Variants in CRB3 observed in about 807,000 individuals in gnomAD.
CRB3 encodes protein crumbs homolog 3.
A neutral mutation model predicts 10.4 loss-of-function variants in CRB3; 4 were observed. That is an observed-to-expected ratio of 0.39 (90% confidence interval 0.19 to 0.88). CRB3 has a LOEUF of 0.88. Ranked by LOEUF, CRB3 falls within the 40% of genes least tolerant of loss-of-function variation. The pLI, the probability that CRB3 is intolerant of heterozygous loss-of-function variation, is 0.39. For missense variants in CRB3, 154 were observed against 160.2 expected (o/e 0.96, Z 0.21); for synonymous variants, 74 against 73.4 (o/e 1.01, Z -0.04).
rs541922335 is a variant in CRB3, at chr19:6,466,357, ATG to A, written c.157-95_157-94del. ...ATCACCAAAAGTGGCAGATGTGTGT[ATG>A]TGTGTGTGTGTGTTGTGGGGTAGGG... On this transcript the variant is annotated intron_variant, in intron 3 of 3. Coordinates refer to ENST00000600229, the MANE Select transcript of CRB3 (RefSeq NM_139161.5). The surrounding 1 kb of genome is among the most constrained non-coding windows in gnomAD (Gnocchi z 4.9). 4,250 of 733,252 alleles carry A rather than the reference ATG, an allele frequency of 5.8e-3. No individual in the cohort carries two copies. The highest frequency in any genetic ancestry group is 6.8e-3 in the Non-Finnish European group (3,067 of 451,100). 45.4% of individuals were successfully genotyped at this position (733,252 alleles called of 1,614,324 possible). A position where few individuals can be genotyped will look rare whatever the true frequency, so the allele number is the denominator to read the frequency against.
intron 2 of CRB3, chr19:6,465,268 A>G: frequency 2.2e-6 from 1 of 450,366 alleles, no homozygotes. Context: ...CAGATCCTTA[A>G]GGGCCCAGGG....
At chr19:6,465,398 C>A in intron 2 of CRB3, 147 bp from the exon 3 acceptor site, 1 of 743,180 alleles carries the variant, frequency 1.3e-6, no homozygotes, top group Admixed American at 1.8e-5. Flanking sequence ...TGCAAGACAC[C>A]CAACCATCTC....
chr19:6,464,823 A>G lies in CRB3; in HGVS notation c.82+40A>G. On this transcript the variant is annotated intron_variant, in intron 2 of 3. Transcript: ENST00000600229. The surrounding 1 kb of genome is among the most constrained non-coding windows in gnomAD (Gnocchi z 5.3). ...AGAGCGCTGGGGGGGAGGGGTCTGGATTCCTGGATCTCTGCTGGGGACGTG... is the reference window on the plus strand; with the variant it reads ...AGAGCGCTGGGGGGGAGGGGTCTGGGTTCCTGGATCTCTGCTGGGGACGTG... 1 of 1,165,086 alleles carries G rather than the reference A, an allele frequency of 8.6e-7. No individual in the cohort carries two copies. 72.2% of individuals were successfully genotyped at this position (1,165,086 alleles called of 1,614,324 possible).
At chr19:6,465,208 GC>G (rs765752494) in intron 2 of CRB3, 43 of 338,224 alleles carry the variant, frequency 1.3e-4, no homozygotes, top group Non-Finnish European at 2.1e-4. Flanking sequence ...TGTTTTGGGA[GC>G]CTGTGGGGAG....
Position 6,464,868 on chromosome 19 carries a change from C to A in CRB3, c.82+85C>A. On this transcript the variant is annotated intron_variant, in intron 2 of 3. Coordinates refer to ENST00000600229, the MANE Select transcript of CRB3 (RefSeq NM_139161.5). This position sits in a 1 kb window ranked among gnomAD's most constrained non-coding sequence, Gnocchi z 5.3. ...GACGTGGCTTAGAAGCGCTGGGTAT[C>A]TGGGGCGCAGAGAGGGTCAAGAATT... The A allele has an allele frequency of 1.3e-6, 1 of 783,122 alleles. No homozygotes were observed. Among genetic ancestry groups the A allele is most frequent in the Non-Finnish European group, 1.7e-6 (1 of 576,526 alleles). The allele number at this position is 783,122 out of a possible 1,614,324, so 48.5% of individuals were successfully genotyped here.
At position 6,466,632 on chromosome 19, in the gene CRB3, C is replaced by G; in HGVS notation, c.323C>G (p.Thr108Ser). 6.2e-7 allele frequency: 1 copy of G among 1,603,572 alleles called. No individual in the cohort carries two copies. Reference protein sequence around the residue: ...EEQVGARVPPTPNLKLPPEER... With the variant: ...EEQVGARVPPSPNLKLPPEER... ...CAGGTGGGTGCCCGCGTGCCACCGA[C>G]CCCCAACCTCAAGTTGCCGCCGGAA... Residue 108 changes from threonine to serine, a missense_variant, in exon 4 of 4, where the codon ACC becomes AGC. Transcript: ENST00000600229. The surrounding 1 kb of genome is among the most constrained non-coding windows in gnomAD (Gnocchi z 4.9).
intron 2 of CRB3, 123 bp from the exon 3 acceptor site, chr19:6,465,422 G>A (rs1055531622): frequency 2.0e-5 from 16 of 804,906 alleles, no homozygotes; most frequent in Non-Finnish European, 3.5e-5. Flanking sequence ...GCGAATGAAA[G>A]GCAGAGTTTG....
chr19:6,466,867 G>A lies in CRB3; in HGVS notation c.*195G>A. ...TGTGCCTGCAGCTCAGGGTGCTGGG[G>A]CTCGGGACCCACCCCCCTGCTTGCG... On this transcript the variant is annotated 3_prime_UTR_variant, in exon 4 of 4. Transcript: ENST00000600229. The surrounding 1 kb of genome is among the most constrained non-coding windows in gnomAD (Gnocchi z 4.9). 6.3e-7 allele frequency: 1 copy of A among 1,575,546 alleles called. No homozygotes were observed. Among genetic ancestry groups the A allele is most frequent in the Non-Finnish European group, 8.6e-7 (1 of 1,158,518 alleles).
chr19:6,465,617 T>C lies in CRB3; in HGVS notation c.155T>C (p.Leu52Pro). 1 of 1,612,438 alleles carries C rather than the reference T, an allele frequency of 6.2e-7. No individual in the cohort carries two copies. Among genetic ancestry groups the C allele is most frequent in the African/African-American group, 1.3e-5 (1 of 74,980 alleles). ...SSTSSSSDGN[L>P]RPEAITAIIV... ...ACCAGCTCCAGCTCCGATGGCAACC[T>C]GGTGAGTTGGAGGTATATGTGGGAA... The change falls in exon 3 of 4, where the codon CTG (leucine) becomes CCG (proline). Residue 52 changes from leucine (L) to proline (P), a missense_variant and splice_region_variant. Transcript: ENST00000600229.
rs2092799662 is a variant in CRB3 at position 6,467,141 on chromosome 19, A to T, written c.*469A>T. 2.3e-6 allele frequency: 2 copies of T among 856,576 alleles called. No individual in the cohort carries two copies. The highest frequency in any genetic ancestry group is 5.0e-5 in the East Asian group (2 of 40,086). The allele number at this position is 856,576 out of a possible 1,614,324, so 53.1% of individuals were successfully genotyped here. A position where few individuals can be genotyped will look rare whatever the true frequency, so the allele number is the denominator to read the frequency against. On this transcript the variant is annotated 3_prime_UTR_variant, in exon 4 of 4. Transcript: ENST00000600229. ...TAGCAGGGAAGAAGGTACTTCAAAG[A>T]CTCTGCCCCTGAGGTCAAGAGAGGA... is the stretch of plus-strand genomic sequence containing the variant.
chr19:6,466,526 G>A lies in CRB3; in HGVS notation c.217G>A (p.Ala73Thr). 6.2e-7 allele frequency: 1 copy of A among 1,613,616 alleles called. No individual in the cohort carries two copies. The highest frequency in any genetic ancestry group is 1.3e-5 in the African/African-American group (1 of 75,044). ...VFSLLAALLL[A>T]VGLALLVRKL... ...CTCCCTCTTGGCTGCCTTGCTCCTG[G>A]CTGTGGGGCTGGCACTGTTGGTGCG... Residue 73 changes from alanine (A) to threonine (T), a missense_variant, in exon 4 of 4, where the codon GCT becomes ACT. Transcript: ENST00000600229. This position sits in a 1 kb window ranked among gnomAD's most constrained non-coding sequence, Gnocchi z 4.9.
intron 2 of CRB3, chr19:6,465,140 C>T (rs764944119): frequency 2.7e-4 from 76 of 281,158 alleles, no homozygotes; most frequent in Non-Finnish European, 3.8e-4. Flanking sequence ...GGAGGCCTGC[C>T]GAGCCGGGTC....
chr19:6,467,219 A>G lies in CRB3; in HGVS notation c.*547A>G. Reference sequence around the variant, plus strand: ...ATAAAATTAGTAGTGAGATGTAACAAAAGCTTTATTGGTGTGTTTGAGCTG... The same window carrying G: ...ATAAAATTAGTAGTGAGATGTAACAGAAGCTTTATTGGTGTGTTTGAGCTG... On this transcript the variant is annotated 3_prime_UTR_variant, in exon 4 of 4. Coordinates refer to ENST00000600229, the MANE Select transcript of CRB3 (RefSeq NM_139161.5). 1 of 527,620 alleles carries G rather than the reference A, an allele frequency of 1.9e-6. No individual in the cohort carries two copies. The highest frequency in any genetic ancestry group is 3.6e-5 in the Admixed American group (1 of 27,482). 32.7% of individuals were successfully genotyped at this position (527,620 alleles called of 1,614,324 possible).
At chr19:6,465,318 C>A in intron 2 of CRB3, 1 of 585,828 alleles carries the variant, frequency 1.7e-6, no homozygotes, top group Non-Finnish European at 3.1e-6. Flanking sequence ...TCTGGACACC[C>A]TACTGGGCTC....
Position 6,466,196 on chromosome 19 carries a change from G to A in CRB3, c.157-270G>A, listed in dbSNP as rs1320627194. On this transcript the variant is annotated intron_variant, in intron 3 of 3. Coordinates refer to ENST00000600229, the MANE Select transcript of CRB3 (RefSeq NM_139161.5). The surrounding 1 kb of genome is among the most constrained non-coding windows in gnomAD (Gnocchi z 4.9). ...AGCCTGGGCAACAGAGCAAGACTCG[G>A]TCTCAAAAAAAAAAGCCGGAGTCCC... Among the ~76,000 whole-genome samples, 2 of 151,646 alleles carry A rather than the reference G, an allele frequency of 1.3e-5. No individual in the cohort carries two copies. Among genetic ancestry groups the A allele is most frequent in the East Asian group, 3.9e-4 (2 of 5,170 alleles).
chr19:6,467,053 TG>T lies in CRB3; in HGVS notation c.*382del. On this transcript the variant is annotated 3_prime_UTR_variant, in exon 4 of 4. Coordinates refer to ENST00000600229, the MANE Select transcript of CRB3 (RefSeq NM_139161.5). ...CTCTCCTGCATCTGTCTCCCTTCAT[TG>T]CTGTGTGACCTTGGGGAAAGGCAGT... 1 of 1,600,242 alleles carries T rather than the reference TG, an allele frequency of 6.2e-7. No homozygotes were observed. Among genetic ancestry groups the T allele is most frequent in the African/African-American group, 1.3e-5 (1 of 74,712 alleles).
At position 6,464,555 on chromosome 19, in the gene CRB3, C is replaced by T. The variant is rs890017447; in HGVS notation, c.-94-53C>T. 6.9e-6 allele frequency: 3 copies of T among 436,548 alleles called. No individual in the cohort carries two copies. Among genetic ancestry groups the T allele is most frequent in the Non-Finnish European group, 1.1e-5 (3 of 262,028 alleles). 27.0% of individuals were successfully genotyped at this position (436,548 alleles called of 1,614,324 possible). A position where few individuals can be genotyped will look rare whatever the true frequency, so the allele number is the denominator to read the frequency against. ...AGTTGTCTCTCCTGTGGGCCTGCGC[C>T]GGGGTCCCCACCCCGATCCCAACGC... On this transcript the variant is annotated intron_variant, in intron 1 of 3. Coordinates refer to ENST00000600229, the MANE Select transcript of CRB3 (RefSeq NM_139161.5). This position sits in a 1 kb window ranked among gnomAD's most constrained non-coding sequence, Gnocchi z 5.3.
At position 6,464,604 on chromosome 19, in the gene CRB3, C is replaced by CCAGGTGCCCCGTCG; in HGVS notation, c.-87_-74dup. Reference sequence around the variant, plus strand: ...GCCTGGGCCTCTCCTTCTCCTGTCCCCAGGTGCCCCGTCGCAGGTGCCCCT... The same window carrying CCAGGTGCCCCGTCG: ...GCCTGGGCCTCTCCTTCTCCTGTCCCCAGGTGCCCCGTCGCAGGTGCCCCGTCGCAGGTGCCCCT... On this transcript the variant is annotated splice_polypyrimidine_tract_variant and splice_region_variant and intron_variant, in intron 1 of 3. Coordinates refer to ENST00000600229, the MANE Select transcript of CRB3 (RefSeq NM_139161.5). The surrounding 1 kb of genome is among the most constrained non-coding windows in gnomAD (Gnocchi z 5.3). 9 of 703,000 alleles carry CCAGGTGCCCCGTCG rather than the reference C, an allele frequency of 1.3e-5. No individual in the cohort carries two copies. The highest frequency in any genetic ancestry group is 4.3e-5 in the Admixed American group (1 of 23,066). The allele number at this position is 703,000 out of a possible 1,614,324, so 43.5% of individuals were successfully genotyped here.
At chr19:6,465,855 C>T (rs79113058) in intron 3 of CRB3, among the ~76,000 whole-genome samples, 3,053 of 152,064 alleles carry the variant, frequency 0.02, 99 homozygotes, top group African/African-American at 0.07. Context: ...ATTCCATATG[C>T]CTCTCAGGTG....
Sources: allele counts gnomAD v4.1 joint callset (sites outside exome capture counted in the v4.1 genomes callset), GRCh38; gene constraint gnomAD v4.1.1; non-coding constraint Gnocchi (gnomAD v3.1); transcripts MANE v1.5; gene names NCBI Gene and HGNC (gene_info 2026-07-23, HGNC 2026-07-21).